The following TRPM1 variants were observed in gnomAD, a reference collection of about 807,000 sequenced individuals.
TRPM1 encodes the protein TRPM1-203 APA Isoform, Intron 10.
In TRPM1, 113 loss-of-function variants were observed where a neutral mutation model predicts 149.4. The ratio of observed to expected loss-of-function variants is 0.76; its 90% CI spans 0.65 to 0.88. TRPM1 has a LOEUF of 0.88. Among genes scored for constraint, TRPM1 ranks in the 40% least tolerant of loss-of-function variants. The probability of loss-of-function intolerance (pLI) is 0.00; values close to 1 mark genes in which losing one functional copy is unlikely to be tolerated. For missense variants in TRPM1, 1,976 were observed against 2,038.7 expected (o/e 0.97, Z 0.59); for synonymous variants, 741 against 759.5 (o/e 0.98, Z 0.40).
At chr15:31,149,726 A>C (rs548989734) in intron 1 of TRPM1, among the ~76,000 whole-genome samples, 3 of 151,930 alleles carry the variant, frequency 2.0e-5, no homozygotes, top group Admixed American at 1.3e-4. Context: ...TCACCGTGTT[A>C]GCCAGGATGG....
chr15:31,026,799 C>CTGAG, intron 26 of TRPM1, 116 bp downstream of exon 26: 3 of 1,075,348 alleles, frequency 2.8e-6, no homozygotes, highest in Non-Finnish European at 4.2e-6. Context: ...AGCAGTTGGA[C>CTGAG]TGAGTGTGGT....
chr15:31,094,690 T>G (rs2035330353), intron 1 of TRPM1, among the ~76,000 whole-genome samples: 1 of 152,170 alleles, frequency 6.6e-6, no homozygotes, highest in Non-Finnish European at 1.5e-5. Context: ...ACTAGGATGA[T>G]TATAATTAAA....
At position 31,032,817 on chromosome 15, in the gene TRPM1, T is replaced by C. The variant is rs771591579; in HGVS notation, c.2824A>G (p.Asn942Asp). The C allele has an allele frequency of 1.2e-6, 2 of 1,614,222 alleles. No individual in the cohort carries two copies. The highest frequency in any genetic ancestry group is 1.7e-6 in the Non-Finnish European group (2 of 1,180,052). Reference sequence around the variant, plus strand: ...CGGCCATAGCCCATGTAGGGCTGGTTCTGTAGGCGAAGAATTGCTCCAATC... The same window carrying C: ...CGGCCATAGCCCATGTAGGGCTGGTCCTGTAGGCGAAGAATTGCTCCAATC... ...FMIGAILRLQ[N>D]QPYMGYGRVI... Residue 942 changes from asparagine (N) to aspartate (D), a missense_variant, in exon 22 of 28, where the codon AAC becomes GAC. Coordinates refer to ENST00000256552, the MANE Select transcript of TRPM1 (RefSeq NM_001252024.2).
At position 31,075,190 on chromosome 15, in the gene TRPM1, T is replaced by C. The variant is rs565757145; in HGVS notation, c.83+1715A>G. On this transcript the variant is annotated intron_variant, in intron 3 of 27. Coordinates refer to ENST00000256552, the MANE Select transcript of TRPM1 (RefSeq NM_001252024.2). ...CTCTATAGTTATCTGTTAAGCCTAA[T>C]TGGTTTATGATGTTGTTCAAGCTTT... Among the ~76,000 whole-genome samples, 5 of 152,292 alleles carry C rather than the reference T, an allele frequency of 3.3e-5. No homozygotes were observed. The South Asian group carries it at 8.3e-4, about 25-fold the overall frequency.
intron 2 of TRPM1, among the ~76,000 whole-genome samples, chr15:31,079,788 T>C (rs1348900566): frequency 6.6e-6 from 1 of 152,158 alleles, no homozygotes; most frequent in Non-Finnish European, 1.5e-5. Context: ...CAATAACACT[T>C]CAATAGCAAT....
intron 1 of TRPM1, among the ~76,000 whole-genome samples, chr15:31,142,105 A>G (rs2036170210): frequency 6.6e-6 from 1 of 152,200 alleles, no homozygotes; most frequent in Non-Finnish European, 1.5e-5. Flanking sequence ...AGAAAAGAGT[A>G]TGTATCAACT....
chr15:31,020,735 A>C (rs887764878), intron 27 of TRPM1, among the ~76,000 whole-genome samples: 22 of 152,052 alleles, frequency 1.4e-4, no homozygotes, highest in African/African-American at 5.3e-4. Flanking sequence ...ACCTCATTCC[A>C]GGCCTTTATT....
chr15:31,054,539 C>T (rs1443626331), intron 11 of TRPM1, among the ~76,000 whole-genome samples: 1 of 152,186 alleles, frequency 6.6e-6, no homozygotes, highest in Non-Finnish European at 1.5e-5. Context: ...AGGTGATCCA[C>T]CCGCCTCAGC....
At chr15:31,160,118 GT>G (rs2036426398) in intron 1 of TRPM1, among the ~76,000 whole-genome samples, 1 of 152,204 alleles carries the variant, frequency 6.6e-6, no homozygotes, top group Admixed American at 6.5e-5. Context: ...TTCCGGTGTG[GT>G]CTGGGCTTGC....
intron 1 of TRPM1, among the ~76,000 whole-genome samples, chr15:31,110,690 T>C (rs2035672053): frequency 6.6e-6 from 1 of 152,154 alleles, no homozygotes; most frequent in Non-Finnish European, 1.5e-5. Flanking sequence ...TGAGACCTCC[T>C]GAGGCCCCTC....
intron 15 of TRPM1, 34 bp from the exon 16 acceptor site, chr15:31,046,267 T>G: frequency 6.2e-7 from 1 of 1,607,668 alleles, no homozygotes; most frequent in Non-Finnish European, 8.5e-7. Context: ...AAAAATCAAT[T>G]TACTTAGATA....
At chr15:31,160,460 C>T (rs998192115) in intron 1 of TRPM1, among the ~76,000 whole-genome samples, 9 of 152,152 alleles carry the variant, frequency 5.9e-5, no homozygotes, top group Non-Finnish European at 7.4e-5. Flanking sequence ...CCCCTAAGGG[C>T]GAGGCCCAAG....
At chr15:31,067,590 G>T (rs2034415482) in intron 5 of TRPM1, among the ~76,000 whole-genome samples, 1 of 152,110 alleles carries the variant, frequency 6.6e-6, no homozygotes, top group South Asian at 2.1e-4. Flanking sequence ...TTGTCGAGAG[G>T]TCTAATGAAG....
chr15:31,037,424 T>A (rs1202505401), intron 20 of TRPM1, among the ~76,000 whole-genome samples: 1 of 152,252 alleles, frequency 6.6e-6, no homozygotes, highest in Non-Finnish European at 1.5e-5. Context: ...CTTAAGTTTG[T>A]ATTGCTAAAG....
intron 1 of TRPM1, among the ~76,000 whole-genome samples, chr15:31,128,517 C>T (rs376487211): frequency 2.6e-5 from 4 of 152,198 alleles, no homozygotes; most frequent in African/African-American, 7.2e-5. Flanking sequence ...CCCCAAGCCT[C>T]GGGAGCTCTT....
intron 27 of TRPM1, among the ~76,000 whole-genome samples, chr15:31,024,329 C>T (rs1227333912): frequency 6.6e-6 from 1 of 152,166 alleles, no homozygotes; most frequent in Non-Finnish European, 1.5e-5. Context: ...TATTTCCATC[C>T]TCCCACCTTA....
At chr15:31,060,245 A>G in intron 11 of TRPM1, 1 of 471,582 alleles carries the variant, frequency 2.1e-6, no homozygotes, top group East Asian at 4.2e-5. Context: ...TTAAATTTTA[A>G]TAAGCTATTT....
At chr15:31,088,485 C>T (rs868224752) in intron 1 of TRPM1, among the ~76,000 whole-genome samples, 3 of 152,152 alleles carry the variant, frequency 2.0e-5, no homozygotes, top group Admixed American at 6.5e-5. Context: ...TCAGCAAGCC[C>T]ACGAACACAC....
At chr15:31,129,698 G>A (rs1223678461) in intron 1 of TRPM1, among the ~76,000 whole-genome samples, 1 of 152,186 alleles carries the variant, frequency 6.6e-6, no homozygotes, top group Non-Finnish European at 1.5e-5. Context: ...CGTAGTATAT[G>A]CTAAACATAG....
Sources: gnomAD v4.1 joint callset for allele counts (sites outside exome capture counted in the v4.1 genomes callset) on GRCh38, gnomAD v4.1.1 for gene constraint, MANE v1.5 for transcripts, NCBI Gene and HGNC (gene_info 2026-07-23, HGNC 2026-07-21) for gene names.